GDPGP1: variants seen among roughly 807,000 people sequenced by gnomAD.
The protein encoded by GDPGP1 is GDP-D-glucose phosphorylase C15orf58.
Under a neutral mutation model 19.2 loss-of-function variants are expected in GDPGP1, and 18 were observed. The ratio of observed to expected loss-of-function variants is 0.94; its 90% confidence interval spans 0.65 to 1.39. The LOEUF (loss-of-function observed/expected upper bound fraction) is 1.39. GDPGP1 is among the 40% of genes most tolerant of loss of function. GDPGP1 has a pLI of 0.00. For synonymous variants in GDPGP1, 219 were observed against 208.9 expected (o/e 1.05, Z -0.42); for missense variants, 449 against 490.5 (o/e 0.92, Z 0.80).
rs201579707 is a variant in GDPGP1 at position 90,241,025 on chromosome 15, A to G, written c.117A>G (p.Glu39=). 1 of 1,614,024 alleles carries G rather than the reference A, an allele frequency of 6.2e-7. No homozygotes were observed. The highest frequency in any genetic ancestry group is 1.1e-5 in the South Asian group (1 of 91,078). The change falls in exon 4 of 4, where the codon GAA becomes GAG. Residue 39 remains glutamate (E), a synonymous_variant. Transcript: ENST00000329600. ...ATGGGCAGAAGGATCTCATGGCAGA[A>G]GGGATTCAGTGGCCAAGGAATGCAC... ...FVYGQKDLMA[E]GIQWPRNAPG... is the part of the protein sequence containing the mutation.
At chr15:90,240,044 T>C (rs1962719032) in intron 3 of GDPGP1, among the ~76,000 whole-genome samples, 1 of 151,790 alleles carries the variant, frequency 6.6e-6, no homozygotes, top group South Asian at 2.1e-4. Context: ...ACCAACATGG[T>C]GAAACCCTGT....
At chr15:90,239,304 AATGT>A (rs949112827) in intron 3 of GDPGP1, among the ~76,000 whole-genome samples, 1 of 102,154 alleles carries the variant, frequency 9.8e-6, no homozygotes, top group Non-Finnish European at 2.0e-5. Context: ...TGAGACATAA[AATGT>A]GTGTGTGTGT....
At chr15:90,234,411 C>T (rs1962588288) in intron 1 of GDPGP1, 111 bp from the exon 2 acceptor site, 1 of 152,790 alleles carries the variant, frequency 6.5e-6, no homozygotes, top group African/African-American at 2.4e-5. Context: ...GTCGGCTGCC[C>T]CTCTGCCCAG....
At chr15:90,235,751 G>T (rs1048190987) in intron 2 of GDPGP1, among the ~76,000 whole-genome samples, 15 of 151,838 alleles carry the variant, frequency 9.9e-5, no homozygotes, top group African/African-American at 3.1e-4. Flanking sequence ...TGTATTTTTG[G>T]TAGAGACGGG....
At chr15:90,237,212 G>GC (rs939703251) in intron 2 of GDPGP1, among the ~76,000 whole-genome samples, 5 of 151,260 alleles carry the variant, frequency 3.3e-5, no homozygotes, top group African/African-American at 1.2e-4. Flanking sequence ...ACCCACCTTG[G>GC]CCCCCCAGAG....
rs775362941 is a variant in GDPGP1, at chr15:90,238,496, TG to T, written c.-60del. The T allele has an allele frequency of 1.1e-4, 16 of 152,242 alleles. No individual in the cohort carries two copies. Among genetic ancestry groups the T allele is most frequent in the Admixed American group, 2.0e-4 (3 of 15,280 alleles). 9.4% of individuals were successfully genotyped at this position (152,242 alleles called of 1,614,324 possible). On this transcript the variant is annotated 5_prime_UTR_variant, in exon 3 of 4. The change creates a premature stop within an existing upstream ORF in the 5' untranslated region. Coordinates refer to ENST00000329600, the MANE Select transcript of GDPGP1 (RefSeq NM_001013657.3). ...TTCTGTTTTATTAACATGAAGTTTC[TG>T]GAGCAGCAGAGCTGAAGGAACCCAA...
Position 90,242,207 on chromosome 15 carries a change from C to G in GDPGP1, c.*141C>G, listed in dbSNP as rs1449722179. 5.5e-5 allele frequency: 35 copies of G among 636,124 alleles called. No homozygotes were observed. In the South Asian group the frequency reaches 6.8e-4, roughly 12 times the overall value. 39.4% of individuals were successfully genotyped at this position (636,124 alleles called of 1,614,324 possible). ...GGCTGAAGTGATCCTCCCACCTCAG[C>G]CTCTTGAGTAGCTGAGACTATAGGC... On this transcript the variant is annotated 3_prime_UTR_variant, in exon 4 of 4. Transcript: ENST00000329600.
chr15:90,237,519 C>A (rs557790891), intron 2 of GDPGP1, among the ~76,000 whole-genome samples: 2 of 151,984 alleles, frequency 1.3e-5, no homozygotes, highest in African/African-American at 2.4e-5. Context: ...ATCTTGACCT[C>A]GTGATTCACC....
Position 90,241,948 on chromosome 15 carries a change from T to A in GDPGP1, c.1040T>A (p.Phe347Tyr). 6.2e-7 allele frequency: 1 copy of A among 1,614,136 alleles called. No individual in the cohort carries two copies. The highest frequency in any genetic ancestry group is 1.6e-4 in the Middle Eastern group (1 of 6,062). The change falls in exon 4 of 4, where the codon TTC becomes TAC. Residue 347 changes from phenylalanine to tyrosine, a missense_variant. By Grantham distance (22) the Phe-to-Tyr change is conservative. Transcript: ENST00000329600. ...CTCCCTGTCAAAACATCCCAGGACT[T>A]CAGCAGCCTGACAGAGGCAGCTGCT... ...GHLPVKTSQDFSSLTEAAAVA... is the reference protein window; with the variant it reads ...GHLPVKTSQDYSSLTEAAAVA...
Position 90,241,671 on chromosome 15 carries a change from T to G in GDPGP1, c.763T>G (p.Phe255Val). 1 of 1,614,240 alleles carries G rather than the reference T, an allele frequency of 6.2e-7. No homozygotes were observed. Among genetic ancestry groups the G allele is most frequent in the Non-Finnish European group, 8.5e-7 (1 of 1,180,022 alleles). The change falls in exon 4 of 4, where the codon TTC becomes GTC. Residue 255 changes from phenylalanine (F) to valine (V), a missense_variant. Phe to Val is a conservative substitution (Grantham distance 50, BLOSUM62 -1). Transcript: ENST00000329600. ...GCTCCAGGACCTCCCAGCTCCTGGC[T>G]TCCTCTTTTACACTCGTGGGCCAGG... ...HLLQDLPAPG[F>V]LFYTRGPGPD...
chr15:90,234,998 G>A (rs1428441317), intron 2 of GDPGP1, among the ~76,000 whole-genome samples: 1 of 152,174 alleles, frequency 6.6e-6, no homozygotes, highest in Non-Finnish European at 1.5e-5. Flanking sequence ...TCTTTGTAAA[G>A]TCTAAATCTG....
In GDPGP1 at chr15:90,244,209, G is replaced by C. The variant is rs1483814005; in HGVS notation, c.*2143G>C. On this transcript the variant is annotated 3_prime_UTR_variant, in exon 4 of 4. Transcript: ENST00000329600. ...CTTGTGACCGCCTCTCCAGTCAGTG[G>C]TTCCCATGGTGGGTAGCACTGTCCT... The C allele has an allele frequency of 6.6e-6, 1 of 152,188 alleles. No individual in the cohort carries two copies. The highest frequency in any genetic ancestry group is 2.4e-5 in the African/African-American group (1 of 41,404). The allele number at this position is 152,188 out of a possible 1,614,324, so 9.4% of individuals were successfully genotyped here.
rs1299877884 is a variant in GDPGP1 at position 90,241,205 on chromosome 15, T to C, written c.297T>C (p.Asn99=). The C allele has an allele frequency of 6.2e-7, 1 of 1,614,148 alleles. No individual in the cohort carries two copies. The highest frequency in any genetic ancestry group is 1.1e-5 in the South Asian group (1 of 91,084). Residue 99 remains asparagine (N), a synonymous_variant, in exon 4 of 4, where the codon AAT becomes AAC. Coordinates refer to ENST00000329600, the MANE Select transcript of GDPGP1 (RefSeq NM_001013657.3). ...PGAVGFVAQL[N]VERGVQRRPP... is the part of the protein sequence containing the mutation. Reference sequence around the variant, plus strand: ...CTGTGGGTTTCGTGGCTCAGCTGAATGTGGAGCGTGGTGTGCAGAGGAGGC... The same window carrying C: ...CTGTGGGTTTCGTGGCTCAGCTGAACGTGGAGCGTGGTGTGCAGAGGAGGC...
chr15:90,239,180 T>C (rs996842573), intron 3 of GDPGP1, among the ~76,000 whole-genome samples: 1 of 152,188 alleles, frequency 6.6e-6, no homozygotes, highest in Non-Finnish European at 1.5e-5. Context: ...ACATAAATTG[T>C]GATTTTTCCT....
chr15:90,240,905 C>G lies in GDPGP1; in HGVS notation c.-4C>G, dbSNP rs769440729. 5.2e-5 allele frequency: 84 copies of G among 1,608,244 alleles called. No individual in the cohort carries two copies. In the Middle Eastern group the frequency reaches 9.9e-4, roughly 19 times the overall value. On this transcript the variant is annotated 5_prime_UTR_variant, in exon 4 of 4. Transcript: ENST00000329600. ...ATCTTTTATGACTATTTCAGGTCAG[C>G]TCTATGGCTCTTCCACATGATTCAA...
chr15:90,235,900 G>A (rs1443131053), intron 2 of GDPGP1, among the ~76,000 whole-genome samples: 6 of 152,056 alleles, frequency 3.9e-5, no homozygotes, highest in African/African-American at 1.4e-4. Flanking sequence ...GGCTCTTTCT[G>A]TCCGAGAAAG....
At chr15:90,234,649 G>C (rs1024956706) in intron 2 of GDPGP1, 53 bp downstream of exon 2, 1 of 152,190 alleles carries the variant, frequency 6.6e-6, no homozygotes, top group Non-Finnish European at 1.5e-5. Context: ...GGGTGTTAGT[G>C]ATTTTTCCGG....
chr15:90,241,212 C>G lies in GDPGP1; in HGVS notation c.304C>G (p.Arg102Gly), dbSNP rs199651638. ...VGFVAQLNVE[R>G]GVQRRPPQTI... ...TTTCGTGGCTCAGCTGAATGTGGAGCGTGGTGTGCAGAGGAGGCCCCCGCA... is the reference window on the plus strand; with the variant it reads ...TTTCGTGGCTCAGCTGAATGTGGAGGGTGGTGTGCAGAGGAGGCCCCCGCA... Residue 102 changes from arginine to glycine, a missense_variant, in exon 4 of 4, where the codon CGT becomes GGT. Arg to Gly is a moderately radical substitution (Grantham distance 125). Coordinates refer to ENST00000329600, the MANE Select transcript of GDPGP1 (RefSeq NM_001013657.3). The G allele has an allele frequency of 6.2e-7, 1 of 1,614,142 alleles. No individual in the cohort carries two copies. Among genetic ancestry groups the G allele is most frequent in the Admixed American group, 1.7e-5 (1 of 60,018 alleles).
intron 2 of GDPGP1, 127 bp downstream of exon 2, chr15:90,234,723 TCTC>T (rs1364573003): frequency 2.6e-5 from 4 of 152,250 alleles, no homozygotes; most frequent in South Asian, 2.1e-4. Flanking sequence ...CCACTGCTGT[TCTC>T]ATCATTCCAG....
Sources: gnomAD v4.1 joint callset for allele counts (sites outside exome capture counted in the v4.1 genomes callset) on GRCh38, gnomAD v4.1.1 for gene constraint, MANE v1.5 for transcripts, NCBI Gene and HGNC (gene_info 2026-07-23, HGNC 2026-07-21) for gene names.